Variants in ZC3H12C observed in about 807,000 individuals in gnomAD.
ZC3H12C encodes probable ribonuclease ZC3H12C.
ZC3H12C carries 20 observed loss-of-function variants against 76.3 expected under a neutral mutation model. The ratio of observed to expected loss-of-function variants is 0.26; its 90% CI spans 0.18 to 0.38. ZC3H12C has a LOEUF of 0.38. Ranked by LOEUF, ZC3H12C falls within the 10% of genes least tolerant of loss-of-function variation. The probability of loss-of-function intolerance (pLI) is 1.00; values close to 1 mark genes in which losing one functional copy is unlikely to be tolerated. For synonymous variants in ZC3H12C, 352 were observed against 399.6 expected, an observed-to-expected ratio of 0.88 and a Z score of 1.42; for missense variants, 874 against 1,086.5, an observed-to-expected ratio of 0.80 and a Z score of 2.75.
intron 1 of ZC3H12C, among the ~76,000 whole-genome samples, chr11:110,129,300 A>G (rs58463096): frequency 6.6e-6 from 1 of 152,144 alleles, no homozygotes; most frequent in Non-Finnish European, 1.5e-5. Context: ...TTTATCTTTT[A>G]GTTTTCTTTC....
At chr11:110,095,189 AT>A (rs962139542) in intron 1 of ZC3H12C, among the ~76,000 whole-genome samples, 19 of 152,284 alleles carry the variant, frequency 1.2e-4, no homozygotes, top group African/African-American at 4.3e-4. Flanking sequence ...AAAATACCCT[AT>A]TTTATATTAT....
intron 1 of ZC3H12C, 132 bp from the exon 2 acceptor site, chr11:110,136,531 T>A (rs530178944): frequency 1.0e-6 from 1 of 971,320 alleles, no homozygotes; most frequent in South Asian, 1.7e-5. Flanking sequence ...GCAAGGGTGT[T>A]AGGAGGGAGG....
At chr11:110,143,086 A>T (rs888291821) in intron 2 of ZC3H12C, among the ~76,000 whole-genome samples, 5 of 152,230 alleles carry the variant, frequency 3.3e-5, no homozygotes, top group Non-Finnish European at 5.9e-5. Flanking sequence ...AAGAATAACA[A>T]AATAGGCATG....
intron 2 of ZC3H12C, among the ~76,000 whole-genome samples, chr11:110,143,215 T>C (rs1862097704): frequency 6.6e-6 from 1 of 152,168 alleles, no homozygotes. Context: ...AAGTAAAATA[T>C]CCTGTTTCTA....
chr11:110,150,515 CAT>C (rs1270592953), intron 2 of ZC3H12C, among the ~76,000 whole-genome samples: 1 of 152,070 alleles, frequency 6.6e-6, no homozygotes, highest in African/African-American at 2.4e-5. Context: ...AATGTAATAA[CAT>C]ATTGTGGTGA....
chr11:110,127,534 C>T (rs1015847696), intron 1 of ZC3H12C, among the ~76,000 whole-genome samples: 2 of 152,098 alleles, frequency 1.3e-5, no homozygotes, highest in South Asian at 2.1e-4. Flanking sequence ...TTAATTTCAA[C>T]GTTTTGGGGA....
At chr11:110,151,047 C>T (rs1862263555) in intron 2 of ZC3H12C, among the ~76,000 whole-genome samples, 1 of 152,108 alleles carries the variant, frequency 6.6e-6, no homozygotes, top group African/African-American at 2.4e-5. Context: ...CCATTAACGA[C>T]ATGCCGTTTT....
In ZC3H12C at chr11:110,137,346, A is replaced by G; in HGVS notation, c.705A>G (p.Gln235=). 3 of 1,613,882 alleles carry G rather than the reference A, an allele frequency of 1.9e-6. No individual in the cohort carries two copies. The highest frequency in any genetic ancestry group is 1.1e-5 in the South Asian group (1 of 91,050). ...CTCAGAGGTCTGAATCTCCAATGCA[A>G]GAGATTGTAACAGATGATGGTGAAA... is the stretch of plus-strand genomic sequence containing the variant. ...LESQRSESPM[Q]EIVTDDGENL... Residue 235 remains glutamine (Q), a synonymous_variant, in exon 2 of 6, where the codon CAA becomes CAG. Transcript: ENST00000278590.
rs775536245 is a variant in ZC3H12C, at chr11:110,164,516, T to C, written c.1431T>C (p.Asp477=). Residue 477 remains aspartate (D), a synonymous_variant, in exon 6 of 6, where the codon GAT becomes GAC. Coordinates refer to ENST00000278590, the MANE Select transcript of ZC3H12C (RefSeq NM_033390.2). This position sits in a 1 kb window ranked among gnomAD's most constrained non-coding sequence, Gnocchi z 5.7. The part of the protein sequence containing the change: ...SNSVPCSTKA[D]STSDVKRGAP... ...GTGTTCCTTGTAGCACCAAGGCTGA[T>C]AGCACTTCTGATGTCAAACGAGGTG... is the stretch of plus-strand genomic sequence containing the variant. 1 of 1,614,006 alleles carries C rather than the reference T, an allele frequency of 6.2e-7. No individual in the cohort carries two copies. The highest frequency in any genetic ancestry group is 8.5e-7 in the Non-Finnish European group (1 of 1,179,884).
chr11:110,161,640 A>T (rs139137240), intron 4 of ZC3H12C, among the ~76,000 whole-genome samples: 34 of 152,352 alleles, frequency 2.2e-4, no homozygotes, highest in African/African-American at 7.5e-4. Flanking sequence ...AAGCCTCAAG[A>T]ATATTGTGTT....
At chr11:110,100,173 C>G (rs1476240033) in intron 1 of ZC3H12C, among the ~76,000 whole-genome samples, 2 of 149,014 alleles carry the variant, frequency 1.3e-5, no homozygotes, top group Non-Finnish European at 3.0e-5. Context: ...ATAGTAAATA[C>G]TTAATGAATG....
intron 1 of ZC3H12C, among the ~76,000 whole-genome samples, chr11:110,104,613 G>A (rs1861285327): frequency 6.6e-6 from 1 of 152,208 alleles, no homozygotes; most frequent in African/African-American, 2.4e-5. Context: ...TGTGGAGAGA[G>A]CAGGTGGGGC....
chr11:110,165,348 C>G lies in ZC3H12C; in HGVS notation c.2263C>G (p.Arg755Gly). Residue 755 changes from arginine (R) to glycine (G), a missense_variant, in exon 6 of 6, where the codon CGA becomes GGA. By Grantham distance (125) the Arg-to-Gly change is moderately radical. Coordinates refer to ENST00000278590, the MANE Select transcript of ZC3H12C (RefSeq NM_033390.2). ...GAGAATAGACAGCATCTCTGACTCT[C>G]GACTTTATGACAGTTCTCCTTCACG... ...ATRIDSISDS[R>G]LYDSSPSRQR... The G allele has an allele frequency of 1.2e-6, 2 of 1,614,000 alleles. No homozygotes were observed. The highest frequency in any genetic ancestry group is 1.7e-6 in the Non-Finnish European group (2 of 1,179,900).
At chr11:110,126,243 A>G (rs1273214734) in intron 1 of ZC3H12C, among the ~76,000 whole-genome samples, 3 of 71,200 alleles carry the variant, frequency 4.2e-5, no homozygotes, top group Non-Finnish European at 7.7e-5. Context: ...TTTTTTTTTG[A>G]GATGAGGTCT....
chr11:110,107,199 A>G (rs1861345252), intron 1 of ZC3H12C, among the ~76,000 whole-genome samples: 1 of 152,220 alleles, frequency 6.6e-6, no homozygotes, highest in African/African-American at 2.4e-5. Flanking sequence ...TGAATTGAAC[A>G]TATTGTTAAT....
chr11:110,107,338 A>G (rs1365508540), intron 1 of ZC3H12C, among the ~76,000 whole-genome samples: 3 of 152,072 alleles, frequency 2.0e-5, no homozygotes, highest in Non-Finnish European at 4.4e-5. Context: ...AGTAAAGGTA[A>G]ATGATACAGT....
chr11:110,153,439 C>T (rs954360305), intron 3 of ZC3H12C, among the ~76,000 whole-genome samples: 33 of 152,186 alleles, frequency 2.2e-4, no homozygotes, highest in African/African-American at 7.7e-4. Flanking sequence ...CTGCCCACCT[C>T]GGCCTCCCAA....
Position 110,165,473 on chromosome 11 carries a change from C to G in ZC3H12C, c.2388C>G (p.Pro796=), listed in dbSNP as rs761656832. ...AYGYRQTYSL[P]DNSTQPCYEQ... is the part of the protein sequence containing the mutation. Reference sequence around the variant, plus strand: ...GGTACCGGCAGACTTATTCCTTGCCCGATAACTCCACACAGCCGTGTTATG... The same window carrying G: ...GGTACCGGCAGACTTATTCCTTGCCGGATAACTCCACACAGCCGTGTTATG... Residue 796 remains proline, a synonymous_variant, in exon 6 of 6, where the codon CCC becomes CCG. Transcript: ENST00000278590. 1.9e-6 allele frequency: 3 copies of G among 1,613,984 alleles called. No individual in the cohort carries two copies. Among genetic ancestry groups the G allele is most frequent in the African/African-American group, 1.3e-5 (1 of 75,028 alleles).
intron 1 of ZC3H12C, among the ~76,000 whole-genome samples, chr11:110,125,981 A>T (rs601154): frequency 0.71 from 107,645 of 151,924 alleles, 38,446 homozygotes; most frequent in East Asian, 0.89. Context: ...GAATGTTGAG[A>T]TCTCTTTCTG....
Sources: gnomAD v4.1 joint callset for allele counts (sites outside exome capture counted in the v4.1 genomes callset) on GRCh38, gnomAD v4.1.1 for gene constraint, Gnocchi (gnomAD v3.1) non-coding constraint, MANE v1.5 for transcripts, NCBI Gene and HGNC (gene_info 2026-07-23, HGNC 2026-07-21) for gene names.